ZNF431: variants seen among roughly 807,000 people sequenced by gnomAD.
ZNF431 encodes the protein zinc finger protein 431.
ZNF431 carries 34 observed loss-of-function variants against 57.0 expected under a neutral mutation model. That is an observed-to-expected ratio of 0.60 (90% CI 0.45 to 0.79). ZNF431 has a LOEUF of 0.79. Among genes scored for constraint, ZNF431 ranks in the 30% least tolerant of loss-of-function variants. The pLI is 0.00. For missense variants in ZNF431, 607 were observed against 667.1 expected (o/e 0.91, Z 0.99); for synonymous variants, 207 against 220.3 (o/e 0.94, Z 0.54).
At chr19:21,168,265 AT>A (rs2145000153) in intron 4 of ZNF431, among the ~76,000 whole-genome samples, 1 of 152,196 alleles carries the variant, frequency 6.6e-6, no homozygotes, top group East Asian at 1.9e-4. Flanking sequence ...TGTATTTTCT[AT>A]TGTGAAAAAA....
At chr19:21,168,886 C>A (rs1970801487) in intron 4 of ZNF431, among the ~76,000 whole-genome samples, 1 of 151,904 alleles carries the variant, frequency 6.6e-6, no homozygotes, top group Non-Finnish European at 1.5e-5. Context: ...AAGTTACTGA[C>A]TGTATTTATT....
intron 1 of ZNF431, 134 bp downstream of exon 1, chr19:21,142,320 C>T (rs1162868484): frequency 4.0e-6 from 5 of 1,252,132 alleles, no homozygotes; most frequent in Non-Finnish European, 5.8e-6. Context: ...TTGCCCAGCT[C>T]GGCCTCAGTC....
intron 2 of ZNF431, among the ~76,000 whole-genome samples, chr19:21,158,729 G>A (rs10406253): frequency 0.77 from 117,658 of 152,100 alleles, 45,925 homozygotes; most frequent in Middle Eastern, 0.87. Flanking sequence ...TGCTGAGACT[G>A]TAGGGTTTTG....
At chr19:21,168,704 AT>A (rs1003529833) in intron 4 of ZNF431, among the ~76,000 whole-genome samples, 1 of 147,470 alleles carries the variant, frequency 6.8e-6, no homozygotes, top group African/African-American at 2.4e-5. Context: ...GTCTTCTCTA[AT>A]TTTTTTCATT....
chr19:21,172,045 A>G (rs948036909), intron 4 of ZNF431, among the ~76,000 whole-genome samples: 12 of 151,922 alleles, frequency 7.9e-5, no homozygotes, highest in African/African-American at 2.9e-4. Flanking sequence ...TTTGTGTGAG[A>G]AAAACATTTT....
chr19:21,151,637 C>G (rs1352182786), intron 2 of ZNF431, among the ~76,000 whole-genome samples: 1 of 152,146 alleles, frequency 6.6e-6, no homozygotes, highest in African/African-American at 2.4e-5. Flanking sequence ...CATGTGGTCA[C>G]AAGGTGGAGC....
chr19:21,170,596 A>C (rs937696616), intron 4 of ZNF431, among the ~76,000 whole-genome samples: 1 of 151,630 alleles, frequency 6.6e-6, no homozygotes, highest in Non-Finnish European at 1.5e-5. Flanking sequence ...TAGGATTTTC[A>C]CCCACTTTCT....
Position 21,184,050 on chromosome 19 carries a change from T to TA in ZNF431, c.*17dup, listed in dbSNP as rs755378371. 2 of 1,536,088 alleles carry TA rather than the reference T, an allele frequency of 1.3e-6. No individual in the cohort carries two copies. Among genetic ancestry groups the TA allele is most frequent in the African/African-American group, 2.8e-5 (2 of 72,034 alleles). ...AAGCCTTTAAGCAGTCCTCAACTCT[T>TA]ACTAAGCATTAAATATTGGCCGGGT... On this transcript the variant is annotated 3_prime_UTR_variant, in exon 5 of 5. Coordinates refer to ENST00000311048, the MANE Select transcript of ZNF431 (RefSeq NM_133473.4).
At chr19:21,154,498 A>G (rs1000974590) in intron 2 of ZNF431, among the ~76,000 whole-genome samples, 61 of 152,204 alleles carry the variant, frequency 4.0e-4, no homozygotes, top group Non-Finnish European at 2.8e-4. Context: ...ATGTGTCTTT[A>G]TAGCAGCATG....
chr19:21,154,927 G>C (rs1254354985), intron 2 of ZNF431, among the ~76,000 whole-genome samples: 3 of 152,130 alleles, frequency 2.0e-5, no homozygotes, highest in African/African-American at 7.2e-5. Context: ...TTAGCCCTTT[G>C]TCAGATGAGT....
chr19:21,173,948 G>A (rs145970811), intron 4 of ZNF431, among the ~76,000 whole-genome samples: 47 of 148,518 alleles, frequency 3.2e-4, no homozygotes, highest in African/African-American at 1.1e-3. Flanking sequence ...TCTTTCTTTG[G>A]TTTTTTTTCT....
At chr19:21,181,094 C>T (rs1031921526) in intron 4 of ZNF431, among the ~76,000 whole-genome samples, 4 of 151,934 alleles carry the variant, frequency 2.6e-5, no homozygotes, top group Non-Finnish European at 4.4e-5. Flanking sequence ...TTGTACCTTT[C>T]AAATTTTAGA....
At chr19:21,165,241 A>G (rs1193304671) in intron 2 of ZNF431, among the ~76,000 whole-genome samples, 3 of 152,156 alleles carry the variant, frequency 2.0e-5, no homozygotes, top group Non-Finnish European at 4.4e-5. Context: ...GAAGATGTGG[A>G]TACTCAAGAT....
rs779559198 is a variant in ZNF431, at chr19:21,186,498, G to A, written c.*2464G>A. The stretch of plus-strand genomic sequence containing the variant: ...TTTTCAGAAGGAAAGAATGATACGG[G>A]AACAAAAATCATTTTAATATGGTGA... On this transcript the variant is annotated 3_prime_UTR_variant, in exon 5 of 5. Transcript: ENST00000311048. The A allele has an allele frequency of 6.6e-6, 1 of 151,964 alleles. No homozygotes were observed. Among genetic ancestry groups the A allele is most frequent in the Non-Finnish European group, 1.5e-5 (1 of 67,978 alleles). The allele number at this position is 151,964 out of a possible 1,614,324, so 9.4% of individuals were successfully genotyped here.
At position 21,142,049 on chromosome 19, in the gene ZNF431, C is replaced by T; in HGVS notation, c.-135C>T. On this transcript the variant is annotated 5_prime_UTR_variant, in exon 1 of 5. Coordinates refer to ENST00000311048, the MANE Select transcript of ZNF431 (RefSeq NM_133473.4). ...ATGTGGCGGGGCCTTTGTCTCTCGC[C>T]GCAGCCTGAGCTCCAGGTCTCCCCT... is the stretch of plus-strand genomic sequence containing the variant. The T allele has an allele frequency of 2.5e-6, 3 of 1,194,854 alleles. No individual in the cohort carries two copies. The highest frequency in any genetic ancestry group is 3.6e-6 in the Non-Finnish European group (3 of 825,748). The allele number at this position is 1,194,854 out of a possible 1,614,324, so 74.0% of individuals were successfully genotyped here.
intron 2 of ZNF431, among the ~76,000 whole-genome samples, chr19:21,155,761 A>T (rs1568299633): frequency 6.6e-6 from 1 of 152,092 alleles, no homozygotes; most frequent in Non-Finnish European, 1.5e-5. Flanking sequence ...AATGTTAGAC[A>T]CTGAGTTGCT....
chr19:21,149,726 G>T, intron 2 of ZNF431: 1 of 611,926 alleles, frequency 1.6e-6, no homozygotes, highest in Non-Finnish European at 3.1e-6. Context: ...TGAGACCCAG[G>T]GCCTTCCCTC....
intron 2 of ZNF431, among the ~76,000 whole-genome samples, chr19:21,159,821 A>C (rs997496063): frequency 6.6e-6 from 1 of 152,044 alleles, no homozygotes; most frequent in Non-Finnish European, 1.5e-5. Flanking sequence ...TTATTAGGCT[A>C]TTTATTACTA....
chr19:21,179,306 A>G (rs1399758895), intron 4 of ZNF431, among the ~76,000 whole-genome samples: 3 of 152,142 alleles, frequency 2.0e-5, no homozygotes, highest in Non-Finnish European at 2.9e-5. Context: ...GTCAAAAAAA[A>G]CCAGCTCCTG....
Sources: allele counts gnomAD v4.1 joint callset (sites outside exome capture counted in the v4.1 genomes callset), GRCh38; gene constraint gnomAD v4.1.1; transcripts MANE v1.5; gene names NCBI Gene and HGNC (gene_info 2026-07-23, HGNC 2026-07-21).